Variants in PPP1R10 observed in about 807,000 individuals in gnomAD.
PPP1R10 encodes serine/threonine-protein phosphatase 1 regulatory subunit 10.
Under a neutral mutation model 99.0 loss-of-function variants are expected in PPP1R10, and 15 were observed. The ratio of observed to expected loss-of-function variants is 0.15; its 90% CI spans 0.10 to 0.23. The LOEUF (loss-of-function observed/expected upper bound fraction) is 0.23. PPP1R10 is among the 10% of genes least tolerant of loss of function. The probability of loss-of-function intolerance (pLI) is 1.00; values close to 1 mark genes in which losing one functional copy is unlikely to be tolerated. For missense variants in PPP1R10, 947 were observed against 1,259.4 expected (o/e 0.75, Z 3.75); for synonymous variants, 430 against 449.5 (o/e 0.96, Z 0.55).
Position 30,602,008 on chromosome 6 carries a change from G to A in PPP1R10, c.2641C>T (p.Arg881Cys), listed in dbSNP as rs550728678. 1.2e-5 allele frequency: 18 copies of A among 1,524,040 alleles called. No homozygotes were observed. The highest frequency in any genetic ancestry group is 9.7e-5 in the African/African-American group (7 of 72,286). The allele number at this position is 1,524,040 out of a possible 1,614,324, so 94.4% of individuals were successfully genotyped here. A position where few individuals can be genotyped will look rare whatever the true frequency, so the allele number is the denominator to read the frequency against. Residue 881 changes from arginine (R) to cysteine (C), a missense_variant, in exon 19 of 20, where the codon CGT (arginine) becomes TGT (cysteine). Transcript: ENST00000376511. The surrounding 1 kb of genome is among the most constrained non-coding windows in gnomAD (Gnocchi z 6.7). ...DHRGPPPHEH[R>C]GHDGPGHGGG... is the part of the protein sequence containing the mutation. ...CCGTGGCCAGGACCATCATGGCCACGGTGCTCATGAGGTGGCGGCCCTCGA... is the reference window on the plus strand; with the variant it reads ...CCGTGGCCAGGACCATCATGGCCACAGTGCTCATGAGGTGGCGGCCCTCGA...
rs1004248263 is a variant in PPP1R10, at chr6:30,616,897, C to T, written c.-431G>A. The T allele has an allele frequency of 6.6e-6, 1 of 152,194 alleles. No homozygotes were observed. The highest frequency in any genetic ancestry group is 2.4e-5 in the African/African-American group (1 of 41,386). 9.4% of individuals were successfully genotyped at this position (152,194 alleles called of 1,614,324 possible). ...GTTGGGCTGGTGGCTGCTGTTTTCC[C>T]TTTCCCCCCTCTCTCAGGATCCTTT... On this transcript the variant is annotated 5_prime_UTR_variant, in exon 2 of 20. Coordinates refer to ENST00000376511, the MANE Select transcript of PPP1R10 (RefSeq NM_002714.4).
At position 30,609,063 on chromosome 6, in the gene PPP1R10, A is replaced by C. The variant is rs1804273924; in HGVS notation, c.194+14T>G. 1 of 1,614,066 alleles carries C rather than the reference A, an allele frequency of 6.2e-7. No homozygotes were observed. The highest frequency in any genetic ancestry group is 1.1e-5 in the South Asian group (1 of 91,088). On this transcript the variant is annotated intron_variant, in intron 4 of 19. Coordinates refer to ENST00000376511, the MANE Select transcript of PPP1R10 (RefSeq NM_002714.4). The surrounding 1 kb of genome is among the most constrained non-coding windows in gnomAD (Gnocchi z 4.5). ...CTACACCTTCCCATTCCAACCATCC[A>C]GATCCCCACTTACTTGACCAATATT...
rs994154034 is a variant in PPP1R10, at chr6:30,613,606, T to C, written c.-12+2872A>G. Among the ~76,000 whole-genome samples the C allele has an allele frequency of 4.7e-4, 71 of 152,130 alleles. 1 individual carries two copies. Among genetic ancestry groups the C allele is most frequent in the African/African-American group, 1.5e-3 (63 of 41,426 alleles). On this transcript the variant is annotated intron_variant, in intron 2 of 19. Coordinates refer to ENST00000376511, the MANE Select transcript of PPP1R10 (RefSeq NM_002714.4). ...AAGCTTATCTGCCTTCCAATAAAGATGCAAAATGATATACCACCCTGACTC... is the reference window on the plus strand; with the variant it reads ...AAGCTTATCTGCCTTCCAATAAAGACGCAAAATGATATACCACCCTGACTC...
intron 2 of PPP1R10, among the ~76,000 whole-genome samples, chr6:30,611,096 C>T (rs1389855712): frequency 6.6e-6 from 1 of 152,168 alleles, no homozygotes; most frequent in Non-Finnish European, 1.5e-5. Context: ...ATTCCTTGAG[C>T]GCAGGAGTTT....
Position 30,609,516 on chromosome 6 carries a change from C to T in PPP1R10, c.107+322G>A, listed in dbSNP as rs984365751. ...ACTCTCCCCTGAAAAACCTGAGAAT[C>T]CCTGAAGGAAAATAACATTATGGGT... On this transcript the variant is annotated intron_variant, in intron 3 of 19. Coordinates refer to ENST00000376511, the MANE Select transcript of PPP1R10 (RefSeq NM_002714.4). The surrounding 1 kb of genome is among the most constrained non-coding windows in gnomAD (Gnocchi z 4.5). Among the ~76,000 whole-genome samples the T allele has an allele frequency of 1.3e-5, 2 of 152,170 alleles. No individual in the cohort carries two copies. Among genetic ancestry groups the T allele is most frequent in the African/African-American group, 4.8e-5 (2 of 41,438 alleles).
intron 10 of PPP1R10, 54 bp from the exon 11 acceptor site, chr6:30,605,148 C>A: frequency 6.8e-7 from 1 of 1,477,886 alleles, no homozygotes; most frequent in Non-Finnish European, 9.4e-7. Context: ...CATAATCCTA[C>A]ACCTGCAAAC....
In PPP1R10 at chr6:30,603,526, G is replaced by C. The variant is rs371834873; in HGVS notation, c.1713C>G (p.Pro571=). The change falls in exon 16 of 20, where the codon CCC becomes CCG. Residue 571 remains proline, a synonymous_variant. Coordinates refer to ENST00000376511, the MANE Select transcript of PPP1R10 (RefSeq NM_002714.4). ...TAATGCCTCCTCCTCCAGGGCCTTG[G>C]GGGCCCTTTCCAGCACCCATGCTTC... The part of the protein sequence containing the change: ...LMGSMGAGKG[P]QGPGGGGINV... 9.3e-6 allele frequency: 15 copies of C among 1,613,790 alleles called. No individual in the cohort carries two copies. In the African/African-American group the frequency reaches 1.2e-4, roughly 13 times the overall value.
In PPP1R10 at chr6:30,606,292, C is replaced by T; in HGVS notation, c.635-49G>A. The T allele has an allele frequency of 6.3e-7, 1 of 1,599,410 alleles. No individual in the cohort carries two copies. Among genetic ancestry groups the T allele is most frequent in the Non-Finnish European group, 8.5e-7 (1 of 1,169,804 alleles). On this transcript the variant is annotated intron_variant, in intron 8 of 19. Coordinates refer to ENST00000376511, the MANE Select transcript of PPP1R10 (RefSeq NM_002714.4). The surrounding 1 kb of genome is among the most constrained non-coding windows in gnomAD (Gnocchi z 6.3). ...GCAGCTGAACTCAAACCCCAGACCC[C>T]CGAATTTTCCTCCCGTTCTCACCCG...
chr6:30,610,255 A>C (rs1047108887), intron 2 of PPP1R10, among the ~76,000 whole-genome samples: 4 of 152,134 alleles, frequency 2.6e-5, no homozygotes, highest in Admixed American at 1.3e-4. Flanking sequence ...GGATGGCTGA[A>C]CTTCACTAGA....
rs760137347 is a variant in PPP1R10 at position 30,606,595 on chromosome 6, G to A, written c.507C>T (p.Thr169=). Reference sequence around the variant, plus strand: ...CCTCTGTCAAAGGTCGCTCAGGAAGGGTAGTTCGACTTTTTCCTTCATCTT... The same window carrying A: ...CCTCTGTCAAAGGTCGCTCAGGAAGAGTAGTTCGACTTTTTCCTTCATCTT... The part of the protein sequence containing the change: ...KRKDEGKSRT[T]LPERPLTEVK... Residue 169 remains threonine, a synonymous_variant, in exon 8 of 20, where the codon ACC becomes ACT. Coordinates refer to ENST00000376511, the MANE Select transcript of PPP1R10 (RefSeq NM_002714.4). This position sits in a 1 kb window ranked among gnomAD's most constrained non-coding sequence, Gnocchi z 6.3. 4 of 1,614,034 alleles carry A rather than the reference G, an allele frequency of 2.5e-6. No individual in the cohort carries two copies. Among genetic ancestry groups the A allele is most frequent in the Non-Finnish European group, 2.5e-6 (3 of 1,180,022 alleles).
In PPP1R10 at chr6:30,608,926, C is replaced by A. The variant is rs1371771985; in HGVS notation, c.195-12G>T. 1.9e-6 allele frequency: 3 copies of A among 1,613,952 alleles called. No individual in the cohort carries two copies. Among genetic ancestry groups the A allele is most frequent in the African/African-American group, 2.7e-5 (2 of 74,918 alleles). The stretch of plus-strand genomic sequence containing the variant: ...CAACGTCAATAAATCTGCAGGCAGG[C>A]AGGAGAGTCTATCAGTAATGCCCTT... On this transcript the variant is annotated splice_polypyrimidine_tract_variant and intron_variant, in intron 4 of 19. Transcript: ENST00000376511.
Position 30,602,872 on chromosome 6 carries a change from G to A in PPP1R10, c.1931C>T (p.Pro644Leu), listed in dbSNP as rs749558634. 6 of 1,555,834 alleles carry A rather than the reference G, an allele frequency of 3.9e-6. No individual in the cohort carries two copies. Among genetic ancestry groups the A allele is most frequent in the Non-Finnish European group, 5.2e-6 (6 of 1,148,912 alleles). Residue 644 changes from proline to leucine, a missense_variant, in exon 18 of 20, where the codon CCC (proline) becomes CTC (leucine). Physicochemically the swap from Pro to Leu is moderately conservative, Grantham distance 98. Transcript: ENST00000376511. The surrounding 1 kb of genome is among the most constrained non-coding windows in gnomAD (Gnocchi z 6.7). Reference protein sequence around the residue: ...PGGPKGMQHFPPGPGGPMPGP... With the variant: ...PGGPKGMQHFLPGPGGPMPGP... Reference sequence around the variant, plus strand: ...TGGCATAGGTCCCCCAGGTCCAGGGGGAAAGTGCTGCATGCCCTTGGGGCC... The same window carrying A: ...TGGCATAGGTCCCCCAGGTCCAGGGAGAAAGTGCTGCATGCCCTTGGGGCC...
chr6:30,606,926 A>G lies in PPP1R10; in HGVS notation c.383-70T>C. ...CATTCTTCCAGGAACAGAAAATGGG[A>G]GGTTTGAGAAAATATTGTGAAAATT... is the stretch of plus-strand genomic sequence containing the variant. On this transcript the variant is annotated intron_variant, in intron 6 of 19. Coordinates refer to ENST00000376511, the MANE Select transcript of PPP1R10 (RefSeq NM_002714.4). This position sits in a 1 kb window ranked among gnomAD's most constrained non-coding sequence, Gnocchi z 6.3. 1 of 1,369,408 alleles carries G rather than the reference A, an allele frequency of 7.3e-7. No homozygotes were observed. The highest frequency in any genetic ancestry group is 1.0e-6 in the Non-Finnish European group (1 of 976,144). 84.8% of individuals were successfully genotyped at this position (1,369,408 alleles called of 1,614,324 possible).
chr6:30,606,428 C>T lies in PPP1R10; in HGVS notation c.634+40G>A. Reference sequence around the variant, plus strand: ...TCCCCCATAAGGCTCTGGGTGTGCACATGCCCATGAACCCTCCAGAGGCCA... The same window carrying T: ...TCCCCCATAAGGCTCTGGGTGTGCATATGCCCATGAACCCTCCAGAGGCCA... On this transcript the variant is annotated intron_variant, in intron 8 of 19. Transcript: ENST00000376511. This position sits in a 1 kb window ranked among gnomAD's most constrained non-coding sequence, Gnocchi z 6.3. The T allele has an allele frequency of 5.0e-6, 8 of 1,607,894 alleles. No homozygotes were observed. The highest frequency in any genetic ancestry group is 6.8e-6 in the Non-Finnish European group (8 of 1,176,946).
chr6:30,603,288 G>A lies in PPP1R10; in HGVS notation c.1768-3C>T. The stretch of plus-strand genomic sequence containing the variant: ...GAAGGATGACTGTTTGGGCTACCCT[G>A]TGAGGATGTAAGAAGGCAAAGTCAA... On this transcript the variant is annotated splice_polypyrimidine_tract_variant and splice_region_variant and intron_variant, in intron 16 of 19. Transcript: ENST00000376511. 1 of 1,612,102 alleles carries A rather than the reference G, an allele frequency of 6.2e-7. No individual in the cohort carries two copies. The highest frequency in any genetic ancestry group is 8.5e-7 in the Non-Finnish European group (1 of 1,178,140).
chr6:30,607,295 T>C (rs577929564), intron 6 of PPP1R10, among the ~76,000 whole-genome samples: 5 of 152,266 alleles, frequency 3.3e-5, no homozygotes, highest in Non-Finnish European at 5.9e-5. Flanking sequence ...AGTTGCTTTA[T>C]GTATAACACA....
chr6:30,603,307 A>AAG lies in PPP1R10; in HGVS notation c.1768-24_1768-23dup, dbSNP rs1478619389. On this transcript the variant is annotated intron_variant, in intron 16 of 19. Coordinates refer to ENST00000376511, the MANE Select transcript of PPP1R10 (RefSeq NM_002714.4). ...TACCCTGTGAGGATGTAAGAAGGCAAAGTCAACAGACAGAAAGGGTAACAA... is the reference window on the plus strand; with the variant it reads ...TACCCTGTGAGGATGTAAGAAGGCAAAGAGTCAACAGACAGAAAGGGTAACAA... 5.6e-6 allele frequency: 9 copies of AAG among 1,600,094 alleles called. No individual in the cohort carries two copies. In the African/African-American group the frequency reaches 1.1e-4, roughly 19 times the overall value.
Position 30,604,565 on chromosome 6 carries a change from A to T in PPP1R10, c.1102+23T>A, listed in dbSNP as rs750492578. The stretch of plus-strand genomic sequence containing the variant: ...ATCCCTCCTTTCAGAAAACCCCCCA[A>T]ACTGAACCAGTTTCTAGATTACCTG... On this transcript the variant is annotated intron_variant, in intron 12 of 19. Coordinates refer to ENST00000376511, the MANE Select transcript of PPP1R10 (RefSeq NM_002714.4). The surrounding 1 kb of genome is among the most constrained non-coding windows in gnomAD (Gnocchi z 7.3). 1.2e-5 allele frequency: 19 copies of T among 1,612,562 alleles called. No individual in the cohort carries two copies. In the South Asian group the frequency reaches 2.0e-4, roughly 17 times the overall value.
At position 30,604,342 on chromosome 6, in the gene PPP1R10, T is replaced by C. The variant is rs1803693534; in HGVS notation, c.1261+11A>G. 1.2e-6 allele frequency: 2 copies of C among 1,614,170 alleles called. No individual in the cohort carries two copies. The highest frequency in any genetic ancestry group is 1.6e-4 in the Middle Eastern group (1 of 6,062). The stretch of plus-strand genomic sequence containing the variant: ...TTAAACACACCTATTACGTAGGAAA[T>C]GACCTCTTACCTCGTTCAGTTTCAT... On this transcript the variant is annotated intron_variant, in intron 13 of 19. Transcript: ENST00000376511. The surrounding 1 kb of genome is among the most constrained non-coding windows in gnomAD (Gnocchi z 7.3).
Sources: allele counts gnomAD v4.1 joint callset (sites outside exome capture counted in the v4.1 genomes callset), GRCh38; gene constraint gnomAD v4.1.1; non-coding constraint Gnocchi (gnomAD v3.1); transcripts MANE v1.5; gene names NCBI Gene and HGNC (gene_info 2026-07-23, HGNC 2026-07-21).